The following BLK variants were observed in gnomAD, a reference collection of about 807,000 sequenced individuals.
BLK encodes BLK proto-oncogene, Src family tyrosine kinase.
Under a neutral mutation model 61.8 loss-of-function variants are expected in BLK, and 64 were observed. That is an observed-to-expected ratio of 1.03 (90% CI 0.85 to 1.27). The LOEUF is 1.27. Among genes scored for constraint, BLK ranks in the 50% most tolerant of loss-of-function variants. BLK has a pLI of 0.00. For missense variants in BLK, 853 were observed against 660.5 expected (o/e 1.29, Z -3.19); for synonymous variants, 351 against 272.0 (o/e 1.29, Z -2.86).
intron 1 of BLK, among the ~76,000 whole-genome samples, chr8:11,537,358 T>G (rs1244784893): frequency 1.3e-5 from 2 of 152,134 alleles, no homozygotes; most frequent in Non-Finnish European, 1.5e-5. Flanking sequence ...ACACCCAGGG[T>G]GAGTCCCAGC....
chr8:11,518,223 C>T (rs1212089703), intron 1 of BLK, among the ~76,000 whole-genome samples: 1 of 152,224 alleles, frequency 6.6e-6, no homozygotes, highest in African/African-American at 2.4e-5. Context: ...AGCATGGACT[C>T]TCAGAATCAG....
chr8:11,551,000 G>A (rs912022645), intron 6 of BLK, among the ~76,000 whole-genome samples: 2 of 152,026 alleles, frequency 1.3e-5, no homozygotes, highest in Non-Finnish European at 2.9e-5. Flanking sequence ...CCCCACTTGG[G>A]CTCCTTCCTG....
At chr8:11,544,472 C>G (rs759079483) in intron 2 of BLK, among the ~76,000 whole-genome samples, 2 of 152,160 alleles carry the variant, frequency 1.3e-5, no homozygotes, top group Admixed American at 1.3e-4. Context: ...AGGCATCTTA[C>G]CTATCTGTGT....
chr8:11,546,904 T>A (rs1038567264), intron 3 of BLK, among the ~76,000 whole-genome samples: 3 of 152,200 alleles, frequency 2.0e-5, no homozygotes, highest in Non-Finnish European at 4.4e-5. Flanking sequence ...TCTGGTGGGC[T>A]GGCCTGCTGG....
intron 1 of BLK, among the ~76,000 whole-genome samples, chr8:11,515,128 T>C (rs12677903): frequency 0.25 from 38,698 of 152,116 alleles, 6,477 homozygotes; most frequent in East Asian, 0.72. Context: ...GGTTTTGCCC[T>C]GTTTTGCTGG....
At chr8:11,562,432 G>A (rs1241457113) in intron 11 of BLK, among the ~76,000 whole-genome samples, 1 of 152,166 alleles carries the variant, frequency 6.6e-6, no homozygotes, top group East Asian at 1.9e-4. Context: ...GCCAGGGGAG[G>A]CTGTGAAGTG....
At chr8:11,535,305 AAAGAAAG>A (rs1800083886) in intron 1 of BLK, among the ~76,000 whole-genome samples, 1 of 145,880 alleles carries the variant, frequency 6.9e-6, no homozygotes, top group African/African-American at 2.5e-5. Context: ...AGAAAGAAAG[AAAGAAAG>A]AAAGAAAGAA....
intron 1 of BLK, among the ~76,000 whole-genome samples, chr8:11,538,089 T>A (rs1800211994): frequency 6.6e-6 from 1 of 152,024 alleles, no homozygotes; most frequent in African/African-American, 2.4e-5. Flanking sequence ...CACACACATA[T>A]ATACACACAC....
intron 1 of BLK, among the ~76,000 whole-genome samples, chr8:11,521,291 T>G (rs1321140020): frequency 6.6e-6 from 1 of 152,208 alleles, no homozygotes; most frequent in Non-Finnish European, 1.5e-5. Flanking sequence ...TGATTTACAA[T>G]TAATAAAATT....
chr8:11,513,207 A>T (rs1307417172), intron 1 of BLK, among the ~76,000 whole-genome samples: 1 of 152,034 alleles, frequency 6.6e-6, no homozygotes, highest in African/African-American at 2.4e-5. Flanking sequence ...TCCTCAATGC[A>T]CCACACGCAG....
chr8:11,558,407 C>A, intron 10 of BLK: 2 of 364,798 alleles, frequency 5.5e-6, no homozygotes, highest in South Asian at 4.2e-5. Context: ...CTGTTGTGAC[C>A]TCATCTCTTC....
intron 1 of BLK, among the ~76,000 whole-genome samples, chr8:11,520,824 T>C (rs935393622): frequency 7.9e-5 from 12 of 152,218 alleles, no homozygotes; most frequent in Non-Finnish European, 1.5e-4. Context: ...CTATTAGAGC[T>C]AATAAGAGAA....
intron 6 of BLK, 93 bp from the exon 7 acceptor site, chr8:11,554,650 C>G: frequency 6.6e-7 from 1 of 1,517,074 alleles, no homozygotes; most frequent in South Asian, 1.1e-5. Flanking sequence ...AATTGGGGAA[C>G]TTTTTTCAAA....
intron 1 of BLK, among the ~76,000 whole-genome samples, chr8:11,503,812 G>T (rs1460255220): frequency 2.0e-5 from 3 of 152,104 alleles, no homozygotes; most frequent in Non-Finnish European, 4.4e-5. Flanking sequence ...CCCTGGGCTC[G>T]CAGTGAAAGG....
At chr8:11,555,709 C>A in intron 8 of BLK, 1 of 675,038 alleles carries the variant, frequency 1.5e-6, no homozygotes, top group South Asian at 1.8e-5. Flanking sequence ...GGAACAGAAT[C>A]CAGCTCACCC....
At chr8:11,526,378 T>A (rs1799651860) in intron 1 of BLK, among the ~76,000 whole-genome samples, 1 of 152,252 alleles carries the variant, frequency 6.6e-6, no homozygotes, top group Non-Finnish European at 1.5e-5. Context: ...CAAATTCACA[T>A]CCTACTTTTT....
chr8:11,528,721 C>G (rs1320891091), intron 1 of BLK, among the ~76,000 whole-genome samples: 1 of 152,144 alleles, frequency 6.6e-6, no homozygotes, highest in Non-Finnish European at 1.5e-5. Context: ...AACATTGGTG[C>G]TCTTATCCAC....
At chr8:11,547,152 A>T (rs1434290998) in intron 3 of BLK, among the ~76,000 whole-genome samples, 1 of 152,274 alleles carries the variant, frequency 6.6e-6, no homozygotes, top group Non-Finnish European at 1.5e-5. Flanking sequence ...AAGGGGTGAC[A>T]ACAGGTAGAT....
At chr8:11,510,680 TGCCTACATACAGAG>T (rs1334281536) in intron 1 of BLK, among the ~76,000 whole-genome samples, 3 of 152,226 alleles carry the variant, frequency 2.0e-5, no homozygotes, top group Middle Eastern at 3.4e-3. Context: ...GAAAGATCTT[TGCCTACATACAGAG>T]GTCCAGTAAT....
Sources: allele counts gnomAD v4.1 joint callset (sites outside exome capture counted in the v4.1 genomes callset), GRCh38; gene constraint gnomAD v4.1.1; transcripts MANE v1.5; gene names NCBI Gene and HGNC (gene_info 2026-07-23, HGNC 2026-07-21).